SLC35F3: variants seen among roughly 807,000 people sequenced by gnomAD.
SLC35F3 encodes the protein putative thiamine transporter SLC35F3.
SLC35F3 carries 25 observed loss-of-function variants against 49.9 expected under a neutral mutation model. The ratio of observed to expected loss-of-function variants is 0.50; its 90% CI spans 0.37 to 0.70. The LOEUF is 0.70. Among genes scored for constraint, SLC35F3 ranks in the 30% least tolerant of loss-of-function variants. SLC35F3 has a pLI of 0.00. For missense variants in SLC35F3, 525 were observed against 639.8 expected, an observed-to-expected ratio of 0.82 and a Z score of 1.94; for synonymous variants, 275 against 265.4, an observed-to-expected ratio of 1.04 and a Z score of -0.35.
intron 2 of SLC35F3, among the ~76,000 whole-genome samples, chr1:234,131,639 AC>A (rs1665738265): frequency 6.6e-6 from 1 of 152,234 alleles, no homozygotes; most frequent in Admixed American, 6.5e-5. Context: ...AAGGGATTCA[AC>A]ATCTCTCAGC....
At chr1:233,907,307 G>A (rs551469655) in intron 2 of SLC35F3, among the ~76,000 whole-genome samples, 8 of 152,318 alleles carry the variant, frequency 5.3e-5, no homozygotes, top group Non-Finnish European at 1.0e-4. Context: ...TATGTGCTTT[G>A]TGGAAGTTAT....
intron 2 of SLC35F3, among the ~76,000 whole-genome samples, chr1:233,909,891 T>C (rs1661846669): frequency 6.6e-6 from 1 of 152,220 alleles, no homozygotes; most frequent in African/African-American, 2.4e-5. Context: ...CCAGTAATGC[T>C]AAACAAGCAG....
At chr1:233,920,430 G>A (rs1391782808) in intron 2 of SLC35F3, among the ~76,000 whole-genome samples, 1 of 152,166 alleles carries the variant, frequency 6.6e-6, no homozygotes, top group Non-Finnish European at 1.5e-5. Flanking sequence ...GAGAGATGGT[G>A]ACTACTCATA....
chr1:234,024,211 C>T (rs181005893), intron 2 of SLC35F3, among the ~76,000 whole-genome samples: 79 of 146,448 alleles, frequency 5.4e-4, no homozygotes, highest in African/African-American at 1.7e-3. Context: ...TAAAAATAAA[C>T]GCTTCTGATA....
At chr1:234,040,897 A>G (rs1357187855) in intron 2 of SLC35F3, among the ~76,000 whole-genome samples, 1 of 152,224 alleles carries the variant, frequency 6.6e-6, no homozygotes, top group African/African-American at 2.4e-5. Context: ...CAAGTTATTA[A>G]TTCAACCAGA....
At chr1:234,010,213 A>G (rs1663693923) in intron 2 of SLC35F3, among the ~76,000 whole-genome samples, 1 of 152,212 alleles carries the variant, frequency 6.6e-6, no homozygotes, top group South Asian at 2.1e-4. Flanking sequence ...TTTGATGTCA[A>G]AAGCATTTAA....
intron 3 of SLC35F3, among the ~76,000 whole-genome samples, chr1:234,270,881 G>T (rs565928302): frequency 7.2e-5 from 11 of 152,316 alleles, no homozygotes; most frequent in Admixed American, 2.0e-4. Context: ...TGATGATGCT[G>T]CTCAGAAGTT....
At chr1:233,916,714 C>T (rs758487860) in intron 2 of SLC35F3, among the ~76,000 whole-genome samples, 1 of 152,204 alleles carries the variant, frequency 6.6e-6, no homozygotes. Context: ...GATTGTCTCT[C>T]AATACGTTGG....
At chr1:234,291,386 G>C (rs1327685434) in intron 3 of SLC35F3, among the ~76,000 whole-genome samples, 1 of 152,240 alleles carries the variant, frequency 6.6e-6, no homozygotes, top group Non-Finnish European at 1.5e-5. Context: ...CCCTTGGCTA[G>C]AGCTTGGGGA....
At chr1:234,155,393 C>CTGACGATGATGATGA (rs1553310138) in intron 2 of SLC35F3, among the ~76,000 whole-genome samples, 3 of 99,572 alleles carry the variant, frequency 3.0e-5, no homozygotes, top group African/African-American at 1.5e-4. Flanking sequence ...TGCTATTCAC[C>CTGACGATGATGATGA]TGATTATTAT....
At chr1:234,009,827 A>G (rs1188587930) in intron 2 of SLC35F3, among the ~76,000 whole-genome samples, 1 of 152,212 alleles carries the variant, frequency 6.6e-6, no homozygotes, top group Non-Finnish European at 1.5e-5. Context: ...CCTTCTGGCC[A>G]AGAGAGAGTG....
intron 2 of SLC35F3, among the ~76,000 whole-genome samples, chr1:233,985,016 G>T (rs979433656): frequency 2.0e-5 from 3 of 152,006 alleles, no homozygotes; most frequent in African/African-American, 4.8e-5. Context: ...GCAGGGGTTG[G>T]GGGGGTGCCC....
chr1:233,913,015 T>C (rs1438014170), intron 2 of SLC35F3, among the ~76,000 whole-genome samples: 2 of 152,198 alleles, frequency 1.3e-5, no homozygotes, highest in Non-Finnish European at 2.9e-5. Flanking sequence ...GACACAGTCC[T>C]TGCCCTAAAA....
chr1:234,151,305 C>G (rs997429461), intron 2 of SLC35F3, among the ~76,000 whole-genome samples: 2 of 150,644 alleles, frequency 1.3e-5, no homozygotes, highest in Non-Finnish European at 2.9e-5. Context: ...GCATGACTTT[C>G]CTGAGCCCCA....
intron 2 of SLC35F3, among the ~76,000 whole-genome samples, chr1:233,929,943 A>G (rs976207118): frequency 2.6e-5 from 4 of 152,176 alleles, no homozygotes; most frequent in African/African-American, 4.8e-5. Flanking sequence ...GATGGAATCA[A>G]TCTGGCTGAG....
At chr1:234,112,350 T>C (rs986559434) in intron 2 of SLC35F3, among the ~76,000 whole-genome samples, 1 of 151,962 alleles carries the variant, frequency 6.6e-6, no homozygotes, top group African/African-American at 2.4e-5. Context: ...TGAGAACCTG[T>C]CACAAACAAA....
intron 2 of SLC35F3, among the ~76,000 whole-genome samples, chr1:233,927,282 T>C (rs1488927862): frequency 2.0e-5 from 3 of 152,184 alleles, no homozygotes; most frequent in Non-Finnish European, 4.4e-5. Flanking sequence ...AGAGTTAGAT[T>C]GCTGGATTGA....
chr1:233,985,888 C>T (rs538325462), intron 2 of SLC35F3, among the ~76,000 whole-genome samples: 3 of 152,262 alleles, frequency 2.0e-5, no homozygotes, highest in South Asian at 2.1e-4. Context: ...ATCAAACAAA[C>T]GTTCTTGTTG....
intron 2 of SLC35F3, among the ~76,000 whole-genome samples, chr1:234,077,782 C>G (rs1664814713): frequency 6.6e-6 from 1 of 150,504 alleles, no homozygotes; most frequent in African/African-American, 2.5e-5. Flanking sequence ...ACAGCGACCC[C>G]TCTCAATTCA....
Sources: gnomAD v4.1 joint callset for allele counts (sites outside exome capture counted in the v4.1 genomes callset) on GRCh38, gnomAD v4.1.1 for gene constraint, MANE v1.5 for transcripts, NCBI Gene and HGNC (gene_info 2026-07-23, HGNC 2026-07-21) for gene names.